The following HTR4 variants were observed in gnomAD, a reference collection of about 807,000 sequenced individuals.
HTR4 encodes 5-hydroxytryptamine receptor 4.
In HTR4, 16 loss-of-function variants were observed where a neutral mutation model predicts 36.8. The observed-to-expected ratio is 0.43, with a 90% CI of 0.29 to 0.66. The LOEUF is 0.66. Among genes scored for constraint, HTR4 ranks in the 30% least tolerant of loss-of-function variants. The pLI, the probability that HTR4 is intolerant of heterozygous loss-of-function variation, is 0.13. For synonymous variants in HTR4, 189 were observed against 185.1 expected (o/e 1.02, Z -0.17); for missense variants, 438 against 490.9 (o/e 0.89, Z 1.02).
chr5:148,617,240 T>C (rs2127289557), intron 2 of HTR4, among the ~76,000 whole-genome samples: 1 of 152,304 alleles, frequency 6.6e-6, no homozygotes, highest in East Asian at 1.9e-4. Flanking sequence ...CACTTCCCTC[T>C]CTCTTGCTCC....
intron 5 of HTR4, among the ~76,000 whole-genome samples, chr5:148,457,717 A>ATATCATTAAAATATATTTTGG (rs1561558316): frequency 2.2e-4 from 21 of 95,448 alleles, no homozygotes; most frequent in Non-Finnish European, 3.7e-4. Flanking sequence ...ATATATTTTG[A>ATATCATTAAAATATATTTTGG]TATATCATTA....
At chr5:148,579,590 C>T (rs1188793601) in intron 2 of HTR4, among the ~76,000 whole-genome samples, 1 of 151,984 alleles carries the variant, frequency 6.6e-6, no homozygotes, top group Non-Finnish European at 1.5e-5. Flanking sequence ...ATTCTCTGCT[C>T]AACTCTAAAA....
chr5:148,478,198 C>A (rs1755761258), downstream of HTR4, among the ~76,000 whole-genome samples: 2 of 152,168 alleles, frequency 1.3e-5, no homozygotes, highest in African/African-American at 4.8e-5. Context: ...TAAACTATAG[C>A]AAATAGAAAT....
At chr5:148,558,420 T>A (rs545968282) in intron 2 of HTR4, among the ~76,000 whole-genome samples, 1 of 152,294 alleles carries the variant, frequency 6.6e-6, no homozygotes, top group South Asian at 2.1e-4. Context: ...AGCATTTACT[T>A]TAGAAAATTT....
chr5:148,525,745 G>A (rs1320145959), intron 4 of HTR4, among the ~76,000 whole-genome samples: 1 of 152,100 alleles, frequency 6.6e-6, no homozygotes, highest in Non-Finnish European at 1.5e-5. Context: ...GCTTAAGCTG[G>A]TGTCATGGGT....
At chr5:148,625,717 A>G (rs1398709290) in intron 2 of HTR4, among the ~76,000 whole-genome samples, 1 of 152,036 alleles carries the variant, frequency 6.6e-6, no homozygotes, top group African/African-American at 2.4e-5. Flanking sequence ...AGTAGCTGGG[A>G]CCACAGGTGC....
intron 1 of HTR4, among the ~76,000 whole-genome samples, chr5:148,638,919 TG>T (rs113274433): frequency 0.026 from 3,993 of 152,166 alleles, 81 homozygotes; most frequent in South Asian, 0.088. Flanking sequence ...TGGTGATATA[TG>T]CCTGTAGTTC....
At chr5:148,611,823 A>G (rs967420095) in intron 2 of HTR4, among the ~76,000 whole-genome samples, 12 of 150,834 alleles carry the variant, frequency 8.0e-5, no homozygotes, top group Non-Finnish European at 1.2e-4. Context: ...AAATAAAAGG[A>G]TGGAGGAAGA....
At chr5:148,581,285 C>T (rs768859632) in intron 2 of HTR4, among the ~76,000 whole-genome samples, 1 of 152,012 alleles carries the variant, frequency 6.6e-6, no homozygotes, top group Non-Finnish European at 1.5e-5. Context: ...TATTTTCTCT[C>T]ATTTCATAGG....
intron 2 of HTR4, among the ~76,000 whole-genome samples, chr5:148,590,282 C>CTTTTT (rs1561637446): frequency 1.3e-5 from 1 of 75,694 alleles, no homozygotes; most frequent in Admixed American, 1.4e-4. Flanking sequence ...TTTCTTTTTT[C>CTTTTT]TTTTCTTTTT....
intron 2 of HTR4, among the ~76,000 whole-genome samples, chr5:148,630,681 A>G (rs925831233): frequency 1.3e-5 from 2 of 152,098 alleles, no homozygotes; most frequent in Non-Finnish European, 2.9e-5. Context: ...TGGGTAATAA[A>G]TATCTACCTC....
At chr5:148,502,388 T>G (rs111334310) in intron 6 of HTR4, among the ~76,000 whole-genome samples, 2,399 of 152,318 alleles carry the variant, frequency 0.016, 34 homozygotes, top group Middle Eastern at 0.048. Flanking sequence ...GGCTAACAGG[T>G]TCTGGAGTGT....
downstream of HTR4, chr5:148,481,472 A>G: frequency 8.7e-7 from 1 of 1,144,198 alleles, no homozygotes; most frequent in Non-Finnish European, 1.2e-6. Flanking sequence ...TTCAGAGGCT[A>G]TTTTCCTTCC....
At chr5:148,598,443 C>G (rs1262022299) in intron 2 of HTR4, among the ~76,000 whole-genome samples, 1 of 151,858 alleles carries the variant, frequency 6.6e-6, no homozygotes, top group African/African-American at 2.4e-5. Context: ...ACTAAGGAGT[C>G]TAAGGTACTA....
At chr5:148,451,303 T>A (rs1202123691) in intron 5 of HTR4, 1 of 1,613,098 alleles carries the variant, frequency 6.2e-7, no homozygotes, top group East Asian at 2.2e-5. Flanking sequence ...GCATGAGAAT[T>A]CAACAGGCAT....
At chr5:148,521,162 A>C (rs1757996075) in intron 5 of HTR4, among the ~76,000 whole-genome samples, 2 of 152,232 alleles carry the variant, frequency 1.3e-5, no homozygotes, top group South Asian at 2.1e-4. Flanking sequence ...TAAAGAATCC[A>C]GATCATAGAT....
chr5:148,494,622 T>C (rs1290103167), intron 6 of HTR4, among the ~76,000 whole-genome samples: 1 of 152,256 alleles, frequency 6.6e-6, no homozygotes, highest in Admixed American at 6.5e-5. Context: ...TTTTGAGCGT[T>C]GCTGATAACA....
At chr5:148,514,176 A>G (rs1316881521) in intron 5 of HTR4, among the ~76,000 whole-genome samples, 1 of 151,952 alleles carries the variant, frequency 6.6e-6, no homozygotes, top group African/African-American at 2.4e-5. Context: ...ACCTTGTTTC[A>G]CTCCCAGTTT....
chr5:148,478,573 T>C (rs1755774546), downstream of HTR4, among the ~76,000 whole-genome samples: 2 of 151,926 alleles, frequency 1.3e-5, no homozygotes, highest in South Asian at 4.1e-4. Flanking sequence ...GGACAGGAGG[T>C]AAACAAGCAC....
Sources: allele counts gnomAD v4.1 joint callset (sites outside exome capture counted in the v4.1 genomes callset), GRCh38; gene constraint gnomAD v4.1.1; transcripts MANE v1.5; gene names NCBI Gene and HGNC (gene_info 2026-07-23, HGNC 2026-07-21).